Variants in CPT1A observed in about 807,000 individuals in gnomAD.
The protein encoded by CPT1A is carnitine palmitoyltransferase 1A.
Under a neutral mutation model 100.8 loss-of-function variants are expected in CPT1A, and 64 were observed. That is an observed-to-expected ratio of 0.63 (90% confidence interval 0.52 to 0.78). The LOEUF (loss-of-function observed/expected upper bound fraction) is 0.78. Ranked by LOEUF, CPT1A falls within the 30% of genes least tolerant of loss-of-function variation. The probability of loss-of-function intolerance (pLI) is 0.00; values close to 1 mark genes in which losing one functional copy is unlikely to be tolerated. For missense variants in CPT1A, 802 were observed against 1,034.1 expected, an observed-to-expected ratio of 0.78 and a Z score of 3.08; for synonymous variants, 363 against 396.0, an observed-to-expected ratio of 0.92 and a Z score of 0.99.
chr11:68,817,153 CTG>C (rs148396344), intron 1 of CPT1A, among the ~76,000 whole-genome samples: 14,959 of 93,136 alleles, frequency 0.16, 1,862 homozygotes, highest in African/African-American at 0.41. Context: ...GTGTGTGTGT[CTG>C]TGTGTGTGTG....
chr11:68,761,097 T>C (rs1257773423), intron 16 of CPT1A, among the ~76,000 whole-genome samples: 1 of 149,454 alleles, frequency 6.7e-6, no homozygotes, highest in East Asian at 2.0e-4. Context: ...GCACATCAGC[T>C]ACTCAGCAGG....
chr11:68,788,318 G>T (rs1855518716), intron 9 of CPT1A, among the ~76,000 whole-genome samples: 1 of 152,204 alleles, frequency 6.6e-6, no homozygotes, highest in East Asian at 1.9e-4. Context: ...CAAAAAAGGG[G>T]CCAGGCACAG....
chr11:68,811,898 T>C (rs1856221655), intron 3 of CPT1A, among the ~76,000 whole-genome samples: 2 of 151,872 alleles, frequency 1.3e-5, no homozygotes, highest in African/African-American at 4.8e-5. Context: ...TATCTCTTGG[T>C]AGCAAGAAAT....
At chr11:68,801,877 T>G (rs1855910569) in intron 5 of CPT1A, among the ~76,000 whole-genome samples, 1 of 152,130 alleles carries the variant, frequency 6.6e-6, no homozygotes. Context: ...GAGCCAGCAA[T>G]TCCACTCCTG....
chr11:68,774,446 A>T (rs12282676), intron 13 of CPT1A, among the ~76,000 whole-genome samples: 4,616 of 151,496 alleles, frequency 0.03, 216 homozygotes, highest in African/African-American at 0.1. Context: ...TTTTATTATT[A>T]ATTTTTATTT....
At chr11:68,770,808 C>T (rs147194512) in intron 14 of CPT1A, among the ~76,000 whole-genome samples, 1,532 of 152,298 alleles carry the variant, frequency 0.01, 23 homozygotes, top group African/African-American at 0.035. Context: ...TCCATTCATG[C>T]GGGAAGCTGG....
intron 9 of CPT1A, among the ~76,000 whole-genome samples, chr11:68,787,405 G>C (rs1348912962): frequency 2.7e-5 from 4 of 149,462 alleles, no homozygotes; most frequent in African/African-American, 9.9e-5. Flanking sequence ...CTGCACTCCA[G>C]CCTGGGCGAC....
rs193183540 is a variant in CPT1A at position 68,814,288 on chromosome 11, C to T, written c.141+1046G>A. 4.6e-3 allele frequency among the ~76,000 whole-genome samples: 695 copies of T among 152,192 alleles called. 4 individuals are homozygous for T. Among genetic ancestry groups the T allele is most frequent in the Non-Finnish European group, 7.7e-3 (524 of 68,004 alleles). On this transcript the variant is annotated intron_variant, in intron 2 of 18. Transcript: ENST00000265641. ...ACATGTGGACTCAACTGTATTTGAA[C>T]TTGTGGAGAGTTTCTTTTTTTTTGT...
chr11:68,771,872 A>G (rs1238427643), intron 14 of CPT1A, among the ~76,000 whole-genome samples: 2 of 152,216 alleles, frequency 1.3e-5, no homozygotes, highest in African/African-American at 4.8e-5. Flanking sequence ...AAATGGGAAA[A>G]CAAGATTTTC....
intron 5 of CPT1A, among the ~76,000 whole-genome samples, chr11:68,800,159 G>A (rs1032196533): frequency 1.3e-5 from 2 of 152,086 alleles, no homozygotes; most frequent in African/African-American, 4.8e-5. Context: ...GGGAACGAGG[G>A]GCTGGAATAG....
At chr11:68,785,714 C>A (rs1157129300) in intron 9 of CPT1A, 2 of 355,202 alleles carry the variant, frequency 5.6e-6, no homozygotes, top group Non-Finnish European at 1.0e-5. Context: ...GAGACGATAT[C>A]CGTAAAGCCC....
intron 1 of CPT1A, among the ~76,000 whole-genome samples, chr11:68,816,178 G>A (rs1239859095): frequency 2.0e-5 from 3 of 152,212 alleles, no homozygotes. Context: ...AGGAGTCCAC[G>A]AAGGAGCCCA....
intron 1 of CPT1A, among the ~76,000 whole-genome samples, chr11:68,831,723 T>C (rs1856885931): frequency 6.6e-6 from 1 of 151,232 alleles, no homozygotes. Context: ...AACCTCTGCC[T>C]CCTGGGTTCA....
chr11:68,786,032 T>G, intron 9 of CPT1A: 1 of 702,314 alleles, frequency 1.4e-6, no homozygotes, highest in Non-Finnish European at 2.6e-6. Flanking sequence ...TCAAGGCAGA[T>G]CGTCTAGTGA....
chr11:68,784,956 C>T lies in CPT1A; in HGVS notation c.1022G>A (p.Arg341His), dbSNP rs772602132. The T allele has an allele frequency of 6.8e-6, 11 of 1,613,932 alleles. No individual in the cohort carries two copies. The highest frequency in any genetic ancestry group is 3.3e-5 in the South Asian group (3 of 91,086). The change falls in exon 10 of 19, where the codon CGC becomes CAC. Residue 341 changes from arginine (R) to histidine (H), a missense_variant. Physicochemically the swap from Arg to His is conservative, Grantham distance 29. Coordinates refer to ENST00000265641, the MANE Select transcript of CPT1A (RefSeq NM_001876.4). ...SKHIVVYHRG[R>H]YFKVWLYHDG... ...ATGGTAGAGCCAGACCTTGAAGTAGCGTCCTCGATGGTACACGACGATGTG... is the reference window on the plus strand; with the variant it reads ...ATGGTAGAGCCAGACCTTGAAGTAGTGTCCTCGATGGTACACGACGATGTG...
chr11:68,799,378 A>T (rs1249262526), intron 5 of CPT1A, 23 bp from the exon 6 acceptor site: 2 of 1,612,936 alleles, frequency 1.2e-6, no homozygotes, highest in South Asian at 2.2e-5. Context: ...GGGGAAAAAA[A>T]AATCACCCAA....
At position 68,755,144 on chromosome 11, in the gene CPT1A, A is replaced by G; in HGVS notation, c.*2500T>C. 2.6e-6 allele frequency: 1 copy of G among 386,524 alleles called. No individual in the cohort carries two copies. The highest frequency in any genetic ancestry group is 4.8e-6 in the Non-Finnish European group (1 of 210,118). The allele number at this position is 386,524 out of a possible 1,614,324, so 23.9% of individuals were successfully genotyped here. A position where few individuals can be genotyped will look rare whatever the true frequency, so the allele number is the denominator to read the frequency against. On this transcript the variant is annotated 3_prime_UTR_variant, in exon 19 of 19. Transcript: ENST00000265641. ...TAAAATTGCATTGATAACTGCACTG[A>G]TGAGCAACAATTACATTTGAAACAT... is the stretch of plus-strand genomic sequence containing the variant.
intron 9 of CPT1A, 144 bp from the exon 10 acceptor site, chr11:68,785,154 A>G: frequency 1.4e-6 from 1 of 730,360 alleles, no homozygotes; most frequent in Non-Finnish European, 2.4e-6. Flanking sequence ...ATTCCTCAAG[A>G]CGTTTTAAAT....
At chr11:68,769,420 T>C (rs1181720738) in intron 14 of CPT1A, among the ~76,000 whole-genome samples, 2 of 150,282 alleles carry the variant, frequency 1.3e-5, no homozygotes, top group Non-Finnish European at 1.5e-5. Flanking sequence ...TTTTTTTTTT[T>C]TTGTATTTTT....
Sources: allele counts gnomAD v4.1 joint callset (sites outside exome capture counted in the v4.1 genomes callset), GRCh38; gene constraint gnomAD v4.1.1; transcripts MANE v1.5; gene names NCBI Gene and HGNC (gene_info 2026-07-23, HGNC 2026-07-21).